TRAPPC9: variants seen among roughly 807,000 people sequenced by gnomAD.
TRAPPC9 encodes IKK2 binding protein.
TRAPPC9 carries 83 observed loss-of-function variants against 124.0 expected under a neutral mutation model. The observed-to-expected ratio is 0.67, with a 90% CI of 0.56 to 0.80. The LOEUF (loss-of-function observed/expected upper bound fraction) is 0.80, where lower values mean the gene tolerates loss of function less well. TRAPPC9 is among the 30% of genes least tolerant of loss of function. The pLI is 0.00. For synonymous variants in TRAPPC9, 638 were observed against 617.5 expected (o/e 1.03, Z -0.49); for missense variants, 1,302 against 1,508.3 (o/e 0.86, Z 2.27).
rs970492510 is a variant in TRAPPC9 at position 139,886,043 on chromosome 8, G to C, written c.2965-74C>G. 6.4e-6 allele frequency: 9 copies of C among 1,400,826 alleles called. No individual in the cohort carries two copies. The African/African-American group carries it at 1.1e-4, about 18-fold the overall frequency. 86.8% of individuals were successfully genotyped at this position (1,400,826 alleles called of 1,614,324 possible). A position where few individuals can be genotyped will look rare whatever the true frequency, so the allele number is the denominator to read the frequency against. ...AAGAACGTCTAGAAGTCTCTAGACA[G>C]AGACCCTCAGATGGGAAACCTCCTA... is the stretch of plus-strand genomic sequence containing the variant. On this transcript the variant is annotated intron_variant, in intron 20 of 22. Transcript: ENST00000438773.
At chr8:139,969,804 T>G (rs1835944953) in intron 19 of TRAPPC9, among the ~76,000 whole-genome samples, 1 of 152,232 alleles carries the variant, frequency 6.6e-6, no homozygotes, top group Admixed American at 6.5e-5. Context: ...GAGTTTCCAG[T>G]GGCTAATAGA....
chr8:140,032,986 G>C (rs893258881), intron 17 of TRAPPC9, among the ~76,000 whole-genome samples: 1 of 152,142 alleles, frequency 6.6e-6, no homozygotes, highest in Admixed American at 6.5e-5. Context: ...TTAAAAAAGT[G>C]GAACATCTTT....
chr8:140,223,751 A>C (rs1379853554), intron 16 of TRAPPC9, among the ~76,000 whole-genome samples: 2 of 152,186 alleles, frequency 1.3e-5, no homozygotes, highest in African/African-American at 2.4e-5. Context: ...TTAAAAAAAA[A>C]AAAACAAAAA....
intron 21 of TRAPPC9, among the ~76,000 whole-genome samples, chr8:139,850,037 G>T (rs573819631): frequency 1.4e-3 from 217 of 152,274 alleles, no homozygotes; most frequent in Admixed American, 2.6e-3. Context: ...TCAGCTCCCA[G>T]GAACACTTGA....
chr8:140,071,559 C>G (rs948369976), intron 17 of TRAPPC9, among the ~76,000 whole-genome samples: 2 of 152,166 alleles, frequency 1.3e-5, no homozygotes, highest in Non-Finnish European at 2.9e-5. Flanking sequence ...GACAAAGGGG[C>G]CTTCCCTGGA....
chr8:140,318,881 T>C (rs1482390488), intron 9 of TRAPPC9, among the ~76,000 whole-genome samples: 1 of 152,122 alleles, frequency 6.6e-6, no homozygotes, highest in African/African-American at 2.4e-5. Context: ...GTTGACCGAG[T>C]CTTCCTGTTC....
At chr8:140,045,631 G>GAAAAAAAAAAAAAA (rs57243402) in intron 17 of TRAPPC9, among the ~76,000 whole-genome samples, 1 of 33,252 alleles carries the variant, frequency 3.0e-5, no homozygotes, top group African/African-American at 8.7e-5. Context: ...CATCTCGGCA[G>GAAAAAAAAAAAAAA]AAAAAAAAAA....
intron 21 of TRAPPC9, among the ~76,000 whole-genome samples, chr8:139,785,008 T>C (rs1226954396): frequency 6.6e-6 from 1 of 152,142 alleles, no homozygotes; most frequent in Non-Finnish European, 1.5e-5. Context: ...GGCCAAAATA[T>C]TACCTGACTT....
intron 20 of TRAPPC9, among the ~76,000 whole-genome samples, chr8:139,889,332 C>T (rs1226628556): frequency 6.6e-6 from 1 of 152,068 alleles, no homozygotes; most frequent in Non-Finnish European, 1.5e-5. Context: ...GGTGGCCTAA[C>T]CACGGAGCTG....
chr8:140,226,684 A>G (rs1259336713), intron 16 of TRAPPC9, among the ~76,000 whole-genome samples: 16 of 151,782 alleles, frequency 1.1e-4, no homozygotes. Context: ...TCCACAACAC[A>G]TTGAGATACC....
chr8:140,207,325 G>C (rs1412415624), intron 17 of TRAPPC9, among the ~76,000 whole-genome samples: 1 of 152,204 alleles, frequency 6.6e-6, no homozygotes, highest in Non-Finnish European at 1.5e-5. Flanking sequence ...GATATTTCTA[G>C]GGGTGGGGGA....
intron 19 of TRAPPC9, among the ~76,000 whole-genome samples, chr8:139,972,220 T>C (rs576783248): frequency 6.4e-4 from 97 of 152,250 alleles, no homozygotes; most frequent in Non-Finnish European, 9.1e-4. Context: ...TCAGGGAGAA[T>C]TGAGCAAAAC....
rs1220778914 is a variant in TRAPPC9, at chr8:139,925,404, G to T, written c.2811-15104C>A. ...ACCCTTTCATTCTGCATAGAAACCT[G>T]CAGAAATCTCGGATTGATCCCTGAG... On this transcript the variant is annotated intron_variant, in intron 19 of 22. Coordinates refer to ENST00000438773, the MANE Select transcript of TRAPPC9 (RefSeq NM_001160372.4). 1.3e-5 allele frequency among the ~76,000 whole-genome samples: 2 copies of T among 152,194 alleles called. 1 individual carries two copies. The highest frequency in any genetic ancestry group is 4.1e-4 in the South Asian group (2 of 4,834).
intron 17 of TRAPPC9, among the ~76,000 whole-genome samples, chr8:140,172,702 G>C (rs2061990155): frequency 6.6e-6 from 1 of 152,174 alleles, no homozygotes; most frequent in Non-Finnish European, 1.5e-5. Context: ...TTTGAGTTTA[G>C]AAAGTTTCCA....
At chr8:140,414,743 CT>C (rs1161849858) in intron 5 of TRAPPC9, among the ~76,000 whole-genome samples, 43 of 146,856 alleles carry the variant, frequency 2.9e-4, no homozygotes, top group South Asian at 4.4e-4. Flanking sequence ...TTAGAAAACA[CT>C]TTTTTTTTTT....
intron 21 of TRAPPC9, among the ~76,000 whole-genome samples, chr8:139,848,342 A>G (rs1402445822): frequency 6.6e-6 from 1 of 152,230 alleles, no homozygotes; most frequent in Non-Finnish European, 1.5e-5. Flanking sequence ...CAGAAAATAG[A>G]CGAAATACAC....
At chr8:139,870,950 G>A (rs1219200433) in intron 21 of TRAPPC9, among the ~76,000 whole-genome samples, 1 of 152,192 alleles carries the variant, frequency 6.6e-6, no homozygotes, top group East Asian at 1.9e-4. Flanking sequence ...CTTGGAAGTG[G>A]GGAGTGGGGC....
intron 21 of TRAPPC9, among the ~76,000 whole-genome samples, chr8:139,868,035 T>G (rs775257546): frequency 6.6e-6 from 1 of 152,010 alleles, no homozygotes; most frequent in Non-Finnish European, 1.5e-5. Flanking sequence ...AATTTGGAGG[T>G]GTTTGGGGCA....
intron 9 of TRAPPC9, among the ~76,000 whole-genome samples, chr8:140,349,238 C>CGCACGAAGGAAGG (rs2067454414): frequency 3.9e-5 from 3 of 77,502 alleles, no homozygotes; most frequent in Non-Finnish European, 5.4e-5. Context: ...CCGAAGGGGG[C>CGCACGAAGGAAGG]ACACGACGGA....
Sources: allele counts gnomAD v4.1 joint callset (sites outside exome capture counted in the v4.1 genomes callset), GRCh38; gene constraint gnomAD v4.1.1; transcripts MANE v1.5; gene names NCBI Gene and HGNC (gene_info 2026-07-23, HGNC 2026-07-21).